ADAMTS17: variants seen among roughly 807,000 people sequenced by gnomAD.
ADAMTS17 encodes the protein A disintegrin and metalloproteinase with thrombospondin motifs 17.
ADAMTS17 carries 113 observed loss-of-function variants against 141.5 expected under a neutral mutation model. The observed-to-expected ratio is 0.80, with a 90% CI of 0.69 to 0.93. ADAMTS17 has a LOEUF of 0.93. ADAMTS17 is among the 40% of genes least tolerant of loss of function. ADAMTS17 has a pLI of 0.00. For synonymous variants in ADAMTS17, 768 were observed against 630.6 expected, an observed-to-expected ratio of 1.22 and a Z score of -3.27; for missense variants, 1,659 against 1,517.9, an observed-to-expected ratio of 1.09 and a Z score of -1.54.
At chr15:100,001,278 G>A (rs1373955041) in intron 18 of ADAMTS17, among the ~76,000 whole-genome samples, 1 of 151,990 alleles carries the variant, frequency 6.6e-6, no homozygotes, top group African/African-American at 2.4e-5. Flanking sequence ...GGGAAGAAGA[G>A]GCACAGAATA....
At position 100,341,941 on chromosome 15, in the gene ADAMTS17, GCA is replaced by G. The variant is rs1567560442; in HGVS notation, c.-44_-43del. On this transcript the variant is annotated 5_prime_UTR_variant, in exon 1 of 22. Transcript: ENST00000268070. ...AGCCCCCCCGGACCGTGGCGGCGAAGCAGGAGCGCGCTAGGCGGCGGCGCCAG... is the reference window on the plus strand; with the variant it reads ...AGCCCCCCCGGACCGTGGCGGCGAAGGGAGCGCGCTAGGCGGCGGCGCCAG... The G allele has an allele frequency of 1.3e-6, 2 of 1,546,670 alleles. No individual in the cohort carries two copies. Among genetic ancestry groups the G allele is most frequent in the Admixed American group, 3.9e-5 (2 of 50,920 alleles).
chr15:100,103,729 C>A (rs1222985922), intron 14 of ADAMTS17, among the ~76,000 whole-genome samples: 1 of 152,174 alleles, frequency 6.6e-6, no homozygotes, highest in Non-Finnish European at 1.5e-5. Flanking sequence ...GCATGCACTA[C>A]CATGCCCGGC....
intron 10 of ADAMTS17, among the ~76,000 whole-genome samples, chr15:100,137,252 G>T (rs1485971090): frequency 6.6e-6 from 1 of 152,164 alleles, no homozygotes; most frequent in Non-Finnish European, 1.5e-5. Flanking sequence ...CCCAGACAAG[G>T]CAGAAATGAC....
chr15:100,262,710 C>A (rs2043567557), intron 4 of ADAMTS17, among the ~76,000 whole-genome samples: 2 of 148,314 alleles, frequency 1.3e-5, no homozygotes, highest in African/African-American at 2.5e-5. Context: ...TAAAATTGTT[C>A]TAAAATACAA....
At chr15:100,219,338 T>C (rs527799374) in intron 7 of ADAMTS17, among the ~76,000 whole-genome samples, 1 of 152,360 alleles carries the variant, frequency 6.6e-6, no homozygotes, top group East Asian at 1.9e-4. Context: ...AGGTAAACTT[T>C]ATGGTATGCA....
At chr15:100,140,854 C>A (rs1478729025) in intron 10 of ADAMTS17, among the ~76,000 whole-genome samples, 1 of 152,108 alleles carries the variant, frequency 6.6e-6, no homozygotes, top group Non-Finnish European at 1.5e-5. Flanking sequence ...CTGTGCTCAG[C>A]GACATGCCGT....
At chr15:100,155,080 G>T in intron 9 of ADAMTS17, 100 bp downstream of exon 9, 1 of 1,571,902 alleles carries the variant, frequency 6.4e-7, no homozygotes, top group Non-Finnish European at 8.7e-7. Flanking sequence ...TCCCAAAAGA[G>T]AGTCATTTCT....
At chr15:100,121,318 T>G (rs1439977205) in intron 12 of ADAMTS17, among the ~76,000 whole-genome samples, 1 of 152,074 alleles carries the variant, frequency 6.6e-6, no homozygotes, top group African/African-American at 2.4e-5. Context: ...GCTTACCAAA[T>G]GTAAAGAAAG....
intron 18 of ADAMTS17, among the ~76,000 whole-genome samples, chr15:99,999,301 AAC>A (rs562212475): frequency 1.1e-3 from 161 of 152,342 alleles, no homozygotes; most frequent in African/African-American, 3.7e-3. Context: ...TAGAGACCGT[AAC>A]ACACAGTCAC....
intron 3 of ADAMTS17, among the ~76,000 whole-genome samples, chr15:100,289,670 A>G (rs966979049): frequency 3.9e-5 from 6 of 152,200 alleles, no homozygotes; most frequent in African/African-American, 1.4e-4. Context: ...ATTCACCATG[A>G]TCAACCAGGC....
At chr15:100,295,427 A>G (rs1055848348) in intron 3 of ADAMTS17, among the ~76,000 whole-genome samples, 5 of 152,130 alleles carry the variant, frequency 3.3e-5, no homozygotes, top group Admixed American at 6.5e-5. Context: ...TTGTGTTTTC[A>G]GCTCAGTAGG....
In ADAMTS17 at chr15:99,972,414, G is replaced by C. The variant is rs1353193709; in HGVS notation, c.*1988C>G. 1.3e-5 allele frequency: 2 copies of C among 152,232 alleles called. No homozygotes were observed. Among genetic ancestry groups the C allele is most frequent in the South Asian group, 4.1e-4 (2 of 4,838 alleles). 9.4% of individuals were successfully genotyped at this position (152,232 alleles called of 1,614,324 possible). ...AGTGGGCATATCTGGAGGCCCCGGGGCCCATGCAGGAGACCAAGCTAAGGC... is the reference window on the plus strand; with the variant it reads ...AGTGGGCATATCTGGAGGCCCCGGGCCCCATGCAGGAGACCAAGCTAAGGC... On this transcript the variant is annotated 3_prime_UTR_variant, in exon 22 of 22. Coordinates refer to ENST00000268070, the MANE Select transcript of ADAMTS17 (RefSeq NM_139057.4).
intron 20 of ADAMTS17, among the ~76,000 whole-genome samples, chr15:99,990,968 G>C (rs28452246): frequency 0.042 from 6,402 of 152,300 alleles, 437 homozygotes; most frequent in African/African-American, 0.15. Flanking sequence ...GGCTAGCCAT[G>C]TGTAGAAAAC....
chr15:100,212,539 C>T (rs1200641771), intron 7 of ADAMTS17, among the ~76,000 whole-genome samples: 1 of 151,966 alleles, frequency 6.6e-6, no homozygotes, highest in East Asian at 1.9e-4. Flanking sequence ...TCCATAACCT[C>T]AGAAAGGTTA....
chr15:99,995,761 G>A (rs1223017155), intron 19 of ADAMTS17, among the ~76,000 whole-genome samples: 1 of 152,218 alleles, frequency 6.6e-6, no homozygotes, highest in African/African-American at 2.4e-5. Flanking sequence ...AGCGGCAGAA[G>A]TACCAGCTTC....
intron 15 of ADAMTS17, among the ~76,000 whole-genome samples, chr15:100,058,940 C>T (rs1030394948): frequency 3.3e-5 from 5 of 152,178 alleles, no homozygotes; most frequent in Admixed American, 2.0e-4. Flanking sequence ...AGAGTGCTAG[C>T]GGCAGCCGGT....
At chr15:100,025,923 G>C (rs1344414346) in intron 18 of ADAMTS17, among the ~76,000 whole-genome samples, 1 of 151,954 alleles carries the variant, frequency 6.6e-6, no homozygotes, top group African/African-American at 2.4e-5. Context: ...ATTTTTGATA[G>C]TTTTATTCAA....
chr15:100,001,419 G>A (rs536089030), intron 18 of ADAMTS17, among the ~76,000 whole-genome samples: 46 of 151,016 alleles, frequency 3.0e-4, no homozygotes, highest in Middle Eastern at 3.4e-3. Flanking sequence ...CAGTGAAACT[G>A]CTTTGTATGA....
chr15:100,317,500 C>A (rs760871496), intron 3 of ADAMTS17, among the ~76,000 whole-genome samples: 3 of 152,106 alleles, frequency 2.0e-5, no homozygotes, highest in East Asian at 3.9e-4. Flanking sequence ...GATGGACCCT[C>A]GCTCAGCTGA....
Sources: gnomAD v4.1 joint callset for allele counts (sites outside exome capture counted in the v4.1 genomes callset) on GRCh38, gnomAD v4.1.1 for gene constraint, MANE v1.5 for transcripts, NCBI Gene and HGNC (gene_info 2026-07-23, HGNC 2026-07-21) for gene names.